Variants in TPX2 observed in about 807,000 individuals in gnomAD.
TPX2 encodes the protein targeting protein for Xklp2.
TPX2 carries 21 observed loss-of-function variants against 93.6 expected under a neutral mutation model. The observed-to-expected ratio is 0.22, with a 90% CI of 0.16 to 0.32. The LOEUF (loss-of-function observed/expected upper bound fraction) is 0.32. TPX2 is among the 10% of genes least tolerant of loss of function. The probability of loss-of-function intolerance (pLI) is 1.00; values close to 1 mark genes in which losing one functional copy is unlikely to be tolerated. For synonymous variants in TPX2, 281 were observed against 298.3 expected (o/e 0.94, Z 0.60); for missense variants, 776 against 871.1 (o/e 0.89, Z 1.37).
chr20:31,787,240 G>T (rs2062072934), intron 12 of TPX2, among the ~76,000 whole-genome samples: 1 of 146,738 alleles, frequency 6.8e-6, no homozygotes, highest in Non-Finnish European at 1.5e-5. Flanking sequence ...CAGAATCTGA[G>T]CCCATCATCT....
intron 4 of TPX2, 95 bp from the exon 5 acceptor site, chr20:31,766,461 G>GTGTGTGTGTGTGTGTGTA (rs1298314326): frequency 1.2e-4 from 117 of 1,012,724 alleles, no homozygotes; most frequent in Middle Eastern, 2.9e-4. Flanking sequence ...CAGGGTGTGT[G>GTGTGTGTGTGTGTGTGTA]TGTGTGTGTG....
At chr20:31,742,948 C>T (rs557769578) in intron 2 of TPX2, among the ~76,000 whole-genome samples, 145 of 152,262 alleles carry the variant, frequency 9.5e-4, no homozygotes, top group Non-Finnish European at 8.4e-4. Flanking sequence ...GTTACTGTGG[C>T]TTATGTCTGT....
chr20:31,782,707 G>A (rs1225779709), intron 11 of TPX2, among the ~76,000 whole-genome samples: 1 of 151,974 alleles, frequency 6.6e-6, no homozygotes, highest in Admixed American at 6.6e-5. Context: ...GGGCAACATG[G>A]TGAAACCCCA....
intron 12 of TPX2, among the ~76,000 whole-genome samples, chr20:31,784,967 T>C (rs953676754): frequency 3.3e-5 from 5 of 152,242 alleles, no homozygotes; most frequent in African/African-American, 1.2e-4. Flanking sequence ...TCTTTCTTTT[T>C]GCTTGCTTTA....
In TPX2 at chr20:31,756,419, A is replaced by AATTAGTGG. The variant is rs71185369; in HGVS notation, c.-70-987_-70-980dup. Among the ~76,000 whole-genome samples the AATTAGTGG allele has an allele frequency of 8.0e-3, 1,216 of 152,220 alleles. 11 individuals carry two copies. Among genetic ancestry groups the AATTAGTGG allele is most frequent in the East Asian group, 0.036 (184 of 5,180 alleles). On this transcript the variant is annotated intron_variant, in intron 2 of 17. Coordinates refer to ENST00000300403, the MANE Select transcript of TPX2 (RefSeq NM_012112.5). ...TAAGATTTTGGTTGGTAGGCATAAA[A>AATTAGTGG]ATTAGTGGTGTATTTTAGAAATTGG...
intron 8 of TPX2, among the ~76,000 whole-genome samples, chr20:31,776,775 C>T (rs2062002975): frequency 6.6e-6 from 1 of 152,056 alleles, no homozygotes. Context: ...GATCCGCCCA[C>T]CTCAGCCTCC....
intron 4 of TPX2, among the ~76,000 whole-genome samples, chr20:31,765,776 A>G (rs759053599): frequency 3.3e-5 from 5 of 152,230 alleles, no homozygotes; most frequent in African/African-American, 4.8e-5. Flanking sequence ...GAGCCACATA[A>G]AGATGATTCT....
intron 15 of TPX2, among the ~76,000 whole-genome samples, chr20:31,796,611 C>G (rs530449857): frequency 6.6e-6 from 1 of 151,890 alleles, no homozygotes; most frequent in Non-Finnish European, 1.5e-5. Context: ...TTGCTGATTG[C>G]GTTCCCACAC....
chr20:31,767,337 A>G (rs550082420), intron 5 of TPX2, among the ~76,000 whole-genome samples: 3 of 152,124 alleles, frequency 2.0e-5, no homozygotes, highest in Admixed American at 2.0e-4. Flanking sequence ...CCTGATGTCA[A>G]ATATCTTTGT....
intron 12 of TPX2, among the ~76,000 whole-genome samples, chr20:31,787,000 G>A (rs995476288): frequency 2.0e-5 from 3 of 151,986 alleles, no homozygotes; most frequent in Non-Finnish European, 4.4e-5. Context: ...GATTTGTTGG[G>A]TACATCACAG....
At chr20:31,780,697 C>T (rs2062027729) in intron 10 of TPX2, among the ~76,000 whole-genome samples, 2 of 152,144 alleles carry the variant, frequency 1.3e-5, no homozygotes, top group South Asian at 4.2e-4. Context: ...TTGAAAGATT[C>T]ATTCTATATT....
At chr20:31,759,160 G>A (rs998545601) in intron 3 of TPX2, among the ~76,000 whole-genome samples, 7 of 152,028 alleles carry the variant, frequency 4.6e-5, no homozygotes, top group African/African-American at 1.4e-4. Context: ...TTATTGCTGT[G>A]TCTCACTGCA....
Position 31,794,025 on chromosome 20 carries a change from G to A in TPX2, c.1686+1G>A. On this transcript the variant is annotated splice_donor_variant, in intron 14 of 17. Transcript: ENST00000300403. LOFTEE classifies it high-confidence loss of function. ...AATAAAAGAACTGCAGAAAGGGGAG[G>A]TAGGTGTTTCCATTTCTGCAAGTAG... The A allele has an allele frequency of 6.2e-7, 1 of 1,606,606 alleles. No individual in the cohort carries two copies. The highest frequency in any genetic ancestry group is 8.5e-7 in the Non-Finnish European group (1 of 1,177,228).
intron 10 of TPX2, 136 bp downstream of exon 10, chr20:31,779,120 A>G: frequency 1.0e-6 from 1 of 969,292 alleles, no homozygotes; most frequent in Non-Finnish European, 1.4e-6. Context: ...TGCAGACAAC[A>G]AATGTATCCT....
At chr20:31,746,448 G>A (rs548433600) in intron 2 of TPX2, among the ~76,000 whole-genome samples, 1 of 152,296 alleles carries the variant, frequency 6.6e-6, no homozygotes, top group Non-Finnish European at 1.5e-5. Flanking sequence ...GGATGTCCCT[G>A]GAGAAATGGC....
chr20:31,757,965 A>G (rs1339526271), intron 3 of TPX2, among the ~76,000 whole-genome samples: 1 of 151,936 alleles, frequency 6.6e-6, no homozygotes, highest in Non-Finnish European at 1.5e-5. Context: ...CATTCATACA[A>G]TCTACCAGTT....
intron 2 of TPX2, among the ~76,000 whole-genome samples, chr20:31,755,103 T>C (rs531264523): frequency 1.3e-5 from 2 of 152,116 alleles, no homozygotes; most frequent in African/African-American, 2.4e-5. Context: ...TGCCCACCAC[T>C]GCGCCTGGCT....
At chr20:31,785,503 T>C (rs189924791) in intron 12 of TPX2, among the ~76,000 whole-genome samples, 5 of 143,718 alleles carry the variant, frequency 3.5e-5, no homozygotes, top group Non-Finnish European at 6.2e-5. Flanking sequence ...TTTTGTTTTG[T>C]TTTTTTTTTT....
rs1390474785 is a variant in TPX2 at position 31,777,783 on chromosome 20, T to C, written c.882+145T>C. On this transcript the variant is annotated intron_variant, in intron 9 of 17. Transcript: ENST00000300403. ...AGTTGTGTAAAATATAACAGATCTT[T>C]TTTTTTTTTTGAGATGGAGTTTCAC... 3.5e-6 allele frequency: 3 copies of C among 850,012 alleles called. No individual in the cohort carries two copies. In the East Asian group the frequency reaches 9.8e-5, roughly 28 times the overall value. 52.7% of individuals were successfully genotyped at this position (850,012 alleles called of 1,614,324 possible).
Sources: gnomAD v4.1 joint callset for allele counts (sites outside exome capture counted in the v4.1 genomes callset) on GRCh38, gnomAD v4.1.1 for gene constraint, MANE v1.5 for transcripts, NCBI Gene and HGNC (gene_info 2026-07-23, HGNC 2026-07-21) for gene names.